NFIA: variants seen among roughly 807,000 people sequenced by gnomAD.
NFIA encodes the protein nuclear factor 1 A-type.
A neutral mutation model predicts 62.8 loss-of-function variants in NFIA; 8 were observed. The observed-to-expected ratio is 0.13, with a 90% CI of 0.07 to 0.23. The LOEUF is 0.23. Among genes scored for constraint, NFIA ranks in the 10% least tolerant of loss-of-function variants. NFIA has a pLI of 1.00. For synonymous variants in NFIA, 235 were observed against 238.1 expected, an observed-to-expected ratio of 0.99 and a Z score of 0.12; for missense variants, 410 against 642.1, an observed-to-expected ratio of 0.64 and a Z score of 3.91.
chr1:61,110,938 A>T (rs1484735259), intron 2 of NFIA, among the ~76,000 whole-genome samples: 1 of 152,126 alleles, frequency 6.6e-6, no homozygotes, highest in Non-Finnish European at 1.5e-5. Flanking sequence ...CTTGAACTGT[A>T]GTCTGTTGAA....
chr1:61,173,736 A>T (rs1442146739), intron 2 of NFIA, among the ~76,000 whole-genome samples: 1 of 152,046 alleles, frequency 6.6e-6, no homozygotes, highest in Non-Finnish European at 1.5e-5. Context: ...CAGGGCTCTG[A>T]AGATATTCCT....
chr1:61,317,436 T>G (rs1210736698), intron 3 of NFIA, among the ~76,000 whole-genome samples: 1 of 152,034 alleles, frequency 6.6e-6, no homozygotes, highest in African/African-American at 2.4e-5. Flanking sequence ...ATTTGAGGAA[T>G]TATAAACAAT....
At chr1:61,328,793 G>C (rs1661111166) in intron 3 of NFIA, among the ~76,000 whole-genome samples, 1 of 143,054 alleles carries the variant, frequency 7.0e-6, no homozygotes, top group East Asian at 2.0e-4. Flanking sequence ...CGCAATCTCA[G>C]CTCACTGCAA....
chr1:61,195,776 T>G (rs1651947611), intron 2 of NFIA, among the ~76,000 whole-genome samples: 1 of 152,186 alleles, frequency 6.6e-6, no homozygotes, highest in Admixed American at 6.5e-5. Flanking sequence ...ATATCTCTTT[T>G]AAAAGCTACT....
chr1:61,387,472 T>TG (rs1664755444), intron 7 of NFIA, among the ~76,000 whole-genome samples: 1 of 121,122 alleles, frequency 8.3e-6, no homozygotes, highest in African/African-American at 3.2e-5. Context: ...CACTTTCTTT[T>TG]TTTTTTTTTT....
At chr1:61,113,254 T>A (rs1419863958) in intron 2 of NFIA, among the ~76,000 whole-genome samples, 1 of 151,976 alleles carries the variant, frequency 6.6e-6, no homozygotes, top group African/African-American at 2.4e-5. Flanking sequence ...ACGTGCTTTA[T>A]GAAACATACT....
chr1:61,259,733 G>A (rs969436877), intron 2 of NFIA, among the ~76,000 whole-genome samples: 4 of 152,096 alleles, frequency 2.6e-5, no homozygotes, highest in Admixed American at 1.3e-4. Flanking sequence ...GGTTGTTGGC[G>A]TAAACAAGGT....
intron 9 of NFIA, among the ~76,000 whole-genome samples, chr1:61,425,095 C>T (rs759254695): frequency 2.0e-5 from 3 of 152,192 alleles, no homozygotes; most frequent in African/African-American, 4.8e-5. Flanking sequence ...ACATCAGGGA[C>T]CCTCATGCTC....
Position 61,352,533 on chromosome 1 carries a change from A to G in NFIA, c.784A>G (p.Met262Val). The change falls in exon 5 of 11, where the codon ATG becomes GTG. Residue 262 changes from methionine to valine, a missense_variant. By Grantham distance (21) the Met-to-Val change is conservative (BLOSUM62 1). Coordinates refer to ENST00000403491, the MANE Select transcript of NFIA (RefSeq NM_001134673.4). ...ATACTACAGCATGAGTCCAGGAGCAATGAGGAGGTCTTTACCCAGCACATC... is the reference window on the plus strand; with the variant it reads ...ATACTACAGCATGAGTCCAGGAGCAGTGAGGAGGTCTTTACCCAGCACATC... ...SSYYSMSPGA[M>V]RRSLPSTSST... is the part of the protein sequence containing the mutation. 6.2e-7 allele frequency: 1 copy of G among 1,613,914 alleles called. No homozygotes were observed. The highest frequency in any genetic ancestry group is 8.5e-7 in the Non-Finnish European group (1 of 1,179,898).
At chr1:61,190,710 G>A (rs1164945041) in intron 2 of NFIA, among the ~76,000 whole-genome samples, 1 of 152,126 alleles carries the variant, frequency 6.6e-6, no homozygotes, top group Non-Finnish European at 1.5e-5. Flanking sequence ...TAGAATATGT[G>A]GGAAATCAGG....
chr1:61,342,352 T>C (rs1661968400), intron 4 of NFIA, among the ~76,000 whole-genome samples: 1 of 152,182 alleles, frequency 6.6e-6, no homozygotes, highest in South Asian at 2.1e-4. Flanking sequence ...TAGATCACTG[T>C]GGCAAAAAGA....
At chr1:61,197,852 G>A (rs1216097470) in intron 2 of NFIA, among the ~76,000 whole-genome samples, 3 of 152,056 alleles carry the variant, frequency 2.0e-5, no homozygotes, top group East Asian at 3.9e-4. Flanking sequence ...TTGGTGGTGG[G>A]TGCCAGTAAT....
At chr1:61,094,864 C>T (rs1191250477) in intron 2 of NFIA, among the ~76,000 whole-genome samples, 2 of 152,136 alleles carry the variant, frequency 1.3e-5, no homozygotes, top group African/African-American at 2.4e-5. Flanking sequence ...AGTGTTCTAG[C>T]TAAATAAACA....
chr1:61,208,574 C>G (rs939835594), intron 2 of NFIA, among the ~76,000 whole-genome samples: 1 of 152,076 alleles, frequency 6.6e-6, no homozygotes, highest in African/African-American at 2.4e-5. Flanking sequence ...TGTGTTGTGA[C>G]CTTAGACAAA....
At chr1:61,207,888 G>A (rs918764386) in intron 2 of NFIA, among the ~76,000 whole-genome samples, 1 of 151,718 alleles carries the variant, frequency 6.6e-6, no homozygotes, top group East Asian at 1.9e-4. Flanking sequence ...GCACATTTGT[G>A]TAGGGGTTTT....
chr1:61,364,954 G>A (rs1663504561), intron 6 of NFIA, among the ~76,000 whole-genome samples: 1 of 152,116 alleles, frequency 6.6e-6, no homozygotes, highest in African/African-American at 2.4e-5. Context: ...GGGGCCCAAG[G>A]TGGGAGGATT....
chr1:61,363,400 T>G (rs1663403774), intron 6 of NFIA, among the ~76,000 whole-genome samples: 1 of 151,904 alleles, frequency 6.6e-6, no homozygotes, highest in Non-Finnish European at 1.5e-5. Context: ...AGGTTGGGAG[T>G]TCGAGACCAG....
chr1:61,402,819 T>C (rs1357807378), intron 7 of NFIA, among the ~76,000 whole-genome samples: 3 of 152,188 alleles, frequency 2.0e-5, no homozygotes, highest in African/African-American at 7.2e-5. Flanking sequence ...TTCCAGTCTT[T>C]TTGAAAACTA....
In NFIA at chr1:61,272,570, T is replaced by C. The variant is rs558113918; in HGVS notation, c.560-4950T>C. Among the ~76,000 whole-genome samples the C allele has an allele frequency of 6.6e-5, 10 of 152,266 alleles. No individual in the cohort carries two copies. The South Asian group carries it at 1.9e-3, about 28-fold the overall frequency. On this transcript the variant is annotated intron_variant, in intron 2 of 10. Transcript: ENST00000403491. ...TTACAACCTTATAGATGTAGAAAAA[T>C]GAATTCCTTGGCCTCTTCTGCAGAG...
Sources: gnomAD v4.1 joint callset for allele counts (sites outside exome capture counted in the v4.1 genomes callset) on GRCh38, gnomAD v4.1.1 for gene constraint, MANE v1.5 for transcripts, NCBI Gene and HGNC (gene_info 2026-07-23, HGNC 2026-07-21) for gene names.